The following NAV2 variants were observed in gnomAD, a reference collection of about 807,000 sequenced individuals.
NAV2 encodes the protein neuron navigator 2.
In NAV2, 54 loss-of-function variants were observed where a neutral mutation model predicts 223.2. The observed-to-expected ratio is 0.24, with a 90% CI of 0.19 to 0.30. NAV2 has a LOEUF of 0.30. Among genes scored for constraint, NAV2 ranks in the 10% least tolerant of loss-of-function variants. The pLI, the probability that NAV2 is intolerant of heterozygous loss-of-function variation, is 1.00. For synonymous variants in NAV2, 1,279 were observed against 1,239.3 expected, an observed-to-expected ratio of 1.03 and a Z score of -0.67; for missense variants, 2,806 against 3,147.5, an observed-to-expected ratio of 0.89 and a Z score of 2.60.
At chr11:19,959,504 A>T (rs2048172123) in intron 10 of NAV2, among the ~76,000 whole-genome samples, 1 of 152,168 alleles carries the variant, frequency 6.6e-6, no homozygotes, top group African/African-American at 2.4e-5. Flanking sequence ...GAGAATAATA[A>T]TGCCTGGAGT....
chr11:19,776,605 TG>T (rs2056195858), intron 1 of NAV2, among the ~76,000 whole-genome samples: 1 of 140,764 alleles, frequency 7.1e-6, no homozygotes, highest in African/African-American at 2.7e-5. Context: ...TGTGTGTGTG[TG>T]TGGTTAGAGT....
chr11:19,519,950 T>C (rs1164710012), intron 1 of NAV2: 1 of 152,228 alleles, frequency 6.6e-6, no homozygotes, highest in Non-Finnish European at 1.5e-5. Context: ...TTAGGGGTTG[T>C]GTTTATTTTG....
At chr11:19,349,036 A>G (rs1464536898), upstream of NAV2, among the ~76,000 whole-genome samples, 12 of 152,202 alleles carry the variant, frequency 7.9e-5, no homozygotes, top group Non-Finnish European at 1.8e-4. Flanking sequence ...GCAAAAAGCG[A>G]GTATCTACTT....
intron 10 of NAV2, among the ~76,000 whole-genome samples, chr11:19,968,955 C>T (rs1425721255): frequency 3.9e-5 from 6 of 152,040 alleles, no homozygotes; most frequent in Non-Finnish European, 7.4e-5. Context: ...GCTGGGTTGC[C>T]TGGGTGCTTG....
intron 14 of NAV2, 70 bp from the exon 15 acceptor site, chr11:20,048,658 C>A: frequency 7.6e-7 from 1 of 1,324,006 alleles, no homozygotes. Context: ...CTCTGCCCTA[C>A]CCTTCTTTAA....
At chr11:19,955,634 A>C (rs2047789321) in intron 10 of NAV2, among the ~76,000 whole-genome samples, 1 of 152,236 alleles carries the variant, frequency 6.6e-6, no homozygotes, top group Non-Finnish European at 1.5e-5. Flanking sequence ...GAAGATAGAC[A>C]TGCCCCTGTT....
chr11:19,645,916 T>C (rs1431191006), intron 1 of NAV2, among the ~76,000 whole-genome samples: 3 of 152,094 alleles, frequency 2.0e-5, no homozygotes, highest in Non-Finnish European at 2.9e-5. Context: ...CAGTGGTAAA[T>C]GACAAAGCAG....
rs185657117 is a variant in NAV2, at chr11:19,419,520, G to A, written c.75+68493G>A. Among the ~76,000 whole-genome samples the A allele has an allele frequency of 2.8e-4, 43 of 152,294 alleles. 1 individual carries two copies. Among genetic ancestry groups the A allele is most frequent in the African/African-American group, 9.6e-4 (40 of 41,580 alleles). On this transcript the variant is annotated intron_variant, in intron 1 of 37. Coordinates refer to the NAV2 transcript ENST00000360655. ...CTTTGCTTGGCATGAGAAAGGAACC[G>A]TGGCAGGTGGGGCTTCGAGACCCGC...
intron 11 of NAV2, among the ~76,000 whole-genome samples, chr11:20,020,582 A>G (rs576119815): frequency 6.6e-6 from 1 of 152,350 alleles, no homozygotes; most frequent in Admixed American, 6.5e-5. Context: ...AGCCTCTAAC[A>G]TGAAAGGTGT....
chr11:19,883,115 C>A (rs1320787081), intron 5 of NAV2, among the ~76,000 whole-genome samples: 3 of 152,130 alleles, frequency 2.0e-5, no homozygotes, highest in Admixed American at 2.0e-4. Flanking sequence ...CCCCCACATG[C>A]CAGGTTTGTT....
At chr11:19,413,784 GA>G (rs1850246225) in intron 1 of NAV2, among the ~76,000 whole-genome samples, 1 of 152,152 alleles carries the variant, frequency 6.6e-6, no homozygotes, top group Admixed American at 6.5e-5. Context: ...TATTTTTAAA[GA>G]AAAGAATTTT....
Position 19,849,453 on chromosome 11 carries a change from C to T in NAV2, c.438+6530C>T, listed in dbSNP as rs773097476. Among the ~76,000 whole-genome samples the T allele has an allele frequency of 4.6e-5, 7 of 152,234 alleles. No homozygotes were observed. The South Asian group carries it at 1.0e-3, about 22-fold the overall frequency. On this transcript the variant is annotated intron_variant, in intron 3 of 37. Transcript: ENST00000349880. Reference sequence around the variant, plus strand: ...AAGCTGAAACAGGGGCAGGTGGCCCCTTGTGAAAGGCAGCTCCTTGAATTG... The same window carrying T: ...AAGCTGAAACAGGGGCAGGTGGCCCTTTGTGAAAGGCAGCTCCTTGAATTG...
intron 1 of NAV2, among the ~76,000 whole-genome samples, chr11:19,454,200 G>A (rs1031964903): frequency 1.3e-5 from 2 of 152,188 alleles, no homozygotes; most frequent in African/African-American, 4.8e-5. Flanking sequence ...TGGAAGAAGG[G>A]CTGTGTCTCT....
chr11:19,753,328 G>T (rs2053987148), intron 1 of NAV2, among the ~76,000 whole-genome samples: 1 of 151,956 alleles, frequency 6.6e-6, no homozygotes, highest in African/African-American at 2.4e-5. Flanking sequence ...TCCCCCTCAA[G>T]CCTCTTTATC....
intron 1 of NAV2, among the ~76,000 whole-genome samples, chr11:19,745,950 C>T (rs2053297494): frequency 1.3e-5 from 2 of 152,164 alleles, no homozygotes; most frequent in Non-Finnish European, 2.9e-5. Flanking sequence ...TGGATGGGAT[C>T]AGGGCTGACC....
rs377585492 is a variant in NAV2 at position 19,867,493 on chromosome 11, A to G, written c.439-1432A>G. On this transcript the variant is annotated intron_variant, in intron 3 of 37. Coordinates refer to ENST00000349880, the MANE Select transcript of NAV2 (RefSeq NM_145117.5). ...GACAGAGGACAGGAAAGATGAAAAG[A>G]AAACTCACCTTTCCTCCATGTGTAT... 1.4e-4 allele frequency among the ~76,000 whole-genome samples: 22 copies of G among 152,388 alleles called. No homozygotes were observed. In the East Asian group the frequency reaches 3.1e-3, roughly 21 times the overall value.
In NAV2 at chr11:19,770,439, G is replaced by A. The variant is rs376248986; in HGVS notation, c.267+56477G>A. 5.9e-5 allele frequency among the ~76,000 whole-genome samples: 9 copies of A among 152,150 alleles called. No homozygotes were observed. In the East Asian group the frequency reaches 1.5e-3, roughly 26 times the overall value. On this transcript the variant is annotated intron_variant, in intron 1 of 37. Coordinates refer to ENST00000349880, the MANE Select transcript of NAV2 (RefSeq NM_145117.5). ...GCAGCACGGAGGCCCTTAAAAGGGGGTCAGAGGTCTCCCAAAGATTGCACA... is the reference window on the plus strand; with the variant it reads ...GCAGCACGGAGGCCCTTAAAAGGGGATCAGAGGTCTCCCAAAGATTGCACA...
intron 1 of NAV2, among the ~76,000 whole-genome samples, chr11:19,614,581 C>T (rs2046739963): frequency 6.6e-6 from 1 of 152,170 alleles, no homozygotes; most frequent in Non-Finnish European, 1.5e-5. Flanking sequence ...CCTACATTGA[C>T]ATATCATGGT....
rs1240302385 is a variant in NAV2 at position 20,078,185 on chromosome 11, C to T, written c.5179+81C>T. Reference sequence around the variant, plus strand: ...CCCCTGACATCATATGATGCAACCTCCTTGCTAGAAGACAGTGTCTGCGTA... The same window carrying T: ...CCCCTGACATCATATGATGCAACCTTCTTGCTAGAAGACAGTGTCTGCGTA... On this transcript the variant is annotated intron_variant, in intron 24 of 37. Transcript: ENST00000349880. 3 of 965,838 alleles carry T rather than the reference C, an allele frequency of 3.1e-6. 1 individual carries two copies. The South Asian group carries it at 4.3e-5, about 14-fold the overall frequency. 59.8% of individuals were successfully genotyped at this position (965,838 alleles called of 1,614,324 possible).
Sources: gnomAD v4.1 joint callset for allele counts (sites outside exome capture counted in the v4.1 genomes callset) on GRCh38, gnomAD v4.1.1 for gene constraint, MANE v1.5 for transcripts, NCBI Gene and HGNC (gene_info 2026-07-23, HGNC 2026-07-21) for gene names.